Variants in PIK3R5 observed in about 807,000 individuals in gnomAD.
The protein encoded by PIK3R5 is phosphoinositide 3-kinase regulatory subunit 5.
A neutral mutation model predicts 94.9 loss-of-function variants in PIK3R5; 32 were observed. That is an observed-to-expected ratio of 0.34 (90% confidence interval 0.25 to 0.45). The LOEUF is 0.45. PIK3R5 is among the 20% of genes least tolerant of loss of function. PIK3R5 has a pLI of 1.00. For synonymous variants in PIK3R5, 443 were observed against 479.4 expected (o/e 0.92, Z 0.99); for missense variants, 853 against 1,144.6 (o/e 0.75, Z 3.68).
At position 8,955,259 on chromosome 17, in the gene PIK3R5, A is replaced by G. The variant is rs1344507392; in HGVS notation, c.-14+10337T>C. On this transcript the variant is annotated intron_variant, in intron 1 of 18. Transcript: ENST00000447110. The surrounding 1 kb of genome is among the most constrained non-coding windows in gnomAD (Gnocchi z 4.4). ...TCCATGCTGGCTGCTCGACCAGGCAATCACTCATTCAGCAAGCACTGATTG... is the reference window on the plus strand; with the variant it reads ...TCCATGCTGGCTGCTCGACCAGGCAGTCACTCATTCAGCAAGCACTGATTG... Among the ~76,000 whole-genome samples the G allele has an allele frequency of 6.6e-6, 1 of 152,214 alleles. No homozygotes were observed. The highest frequency in any genetic ancestry group is 1.5e-5 in the Non-Finnish European group (1 of 68,016).
In PIK3R5 at chr17:8,904,683, A is replaced by G; in HGVS notation, c.412+94T>C. On this transcript the variant is annotated intron_variant, in intron 5 of 18. Transcript: ENST00000447110. This position sits in a 1 kb window ranked among gnomAD's most constrained non-coding sequence, Gnocchi z 5.1. ...TGGCAGAGATGAATCAAAGGATGCA[A>G]GGTAAGGAGGGTCACAAAAAACAGT... 7.9e-7 allele frequency: 1 copy of G among 1,263,454 alleles called. No homozygotes were observed. Among genetic ancestry groups the G allele is most frequent in the Non-Finnish European group, 1.1e-6 (1 of 887,278 alleles). 78.3% of individuals were successfully genotyped at this position (1,263,454 alleles called of 1,614,324 possible).
intron 6 of PIK3R5, among the ~76,000 whole-genome samples, chr17:8,891,957 C>A (rs1025203535): frequency 6.6e-6 from 1 of 152,060 alleles, no homozygotes; most frequent in Admixed American, 6.6e-5. Flanking sequence ...GGCTCTGAGG[C>A]GCTGATCACT....
rs538327661 is a variant in PIK3R5, at chr17:8,941,919, C to A, written c.-14+23677G>T. Among the ~76,000 whole-genome samples the A allele has an allele frequency of 2.0e-5, 3 of 152,364 alleles. No homozygotes were observed. The South Asian group carries it at 6.2e-4, about 32-fold the overall frequency. ...AAGATCCCCCTATTTACTCAGAAGA[C>A]CCTTCGGGAGGATTTACATGTATGG... On this transcript the variant is annotated intron_variant, in intron 1 of 18. Transcript: ENST00000447110.
intron 1 of PIK3R5, among the ~76,000 whole-genome samples, chr17:8,923,503 A>G (rs1037844499): frequency 1.3e-5 from 2 of 152,202 alleles, no homozygotes; most frequent in African/African-American, 4.8e-5. Flanking sequence ...AGTATGCTGT[A>G]GGCAATTTAG....
At chr17:8,953,570 A>C (rs2091415764) in intron 1 of PIK3R5, among the ~76,000 whole-genome samples, 1 of 152,288 alleles carries the variant, frequency 6.6e-6, no homozygotes, top group South Asian at 2.1e-4. Context: ...TGGCCAGCTC[A>C]CATTTGGCAT....
intron 1 of PIK3R5, among the ~76,000 whole-genome samples, chr17:8,963,073 G>A (rs79332016): frequency 0.025 from 3,774 of 152,224 alleles, 48 homozygotes; most frequent in Middle Eastern, 0.068. Context: ...CTGCAGCCTC[G>A]AACTCCTGGC....
intron 1 of PIK3R5, among the ~76,000 whole-genome samples, chr17:8,913,792 A>G (rs2090577741): frequency 1.3e-5 from 2 of 152,240 alleles, no homozygotes; most frequent in South Asian, 2.1e-4. Context: ...CTGGATGCCC[A>G]AAGACATCCT....
chr17:8,913,482 G>A (rs145858587), intron 1 of PIK3R5, among the ~76,000 whole-genome samples: 1,780 of 152,306 alleles, frequency 0.012, 32 homozygotes, highest in African/African-American at 0.04. Context: ...CAAGGTGGGC[G>A]GATCACTTGA....
chr17:8,957,362 T>G (rs2151480216), intron 1 of PIK3R5, among the ~76,000 whole-genome samples: 1 of 152,330 alleles, frequency 6.6e-6, no homozygotes, highest in East Asian at 1.9e-4. Flanking sequence ...ATTTTCCTTC[T>G]GTCATCCCTT....
At position 8,889,067 on chromosome 17, in the gene PIK3R5, C is replaced by A; in HGVS notation, c.895+72G>T. On this transcript the variant is annotated intron_variant, in intron 9 of 18. Coordinates refer to ENST00000447110, the MANE Select transcript of PIK3R5 (RefSeq NM_001142633.3). The surrounding 1 kb of genome is among the most constrained non-coding windows in gnomAD (Gnocchi z 4.1). The stretch of plus-strand genomic sequence containing the variant: ...AGCTTTGGGGACGGGGTGGGAGCTG[C>A]ATGGACCCAGGACCAGAAACACAGC... The A allele has an allele frequency of 6.5e-7, 1 of 1,538,174 alleles. No individual in the cohort carries two copies. Among genetic ancestry groups the A allele is most frequent in the Non-Finnish European group, 8.9e-7 (1 of 1,129,918 alleles).
At position 8,893,396 on chromosome 17, in the gene PIK3R5, C is replaced by T. The variant is rs976399743; in HGVS notation, c.482+190G>A. On this transcript the variant is annotated intron_variant, in intron 6 of 18. Transcript: ENST00000447110. This position sits in a 1 kb window ranked among gnomAD's most constrained non-coding sequence, Gnocchi z 5.1. ...GAAAGACCGTCAGCCTAGAAAAACA[C>T]ACCTGGACACAAAATATCACCAGCA... is the stretch of plus-strand genomic sequence containing the variant. Among the ~76,000 whole-genome samples, 19 of 152,168 alleles carry T rather than the reference C, an allele frequency of 1.2e-4. No individual in the cohort carries two copies. The highest frequency in any genetic ancestry group is 4.6e-4 in the African/African-American group (19 of 41,430).
chr17:8,916,220 C>G (rs1011740478), intron 1 of PIK3R5: 7 of 152,328 alleles, frequency 4.6e-5, no homozygotes, highest in Non-Finnish European at 7.3e-5. Flanking sequence ...ACCGGGCTCA[C>G]CACCCACCCC....
chr17:8,951,272 C>T (rs1000220914), intron 1 of PIK3R5, among the ~76,000 whole-genome samples: 3 of 152,092 alleles, frequency 2.0e-5, no homozygotes, highest in African/African-American at 7.2e-5. Flanking sequence ...CAGTTTTGTG[C>T]GTACAGTTCT....
chr17:8,938,750 A>T (rs1051028903), intron 1 of PIK3R5, among the ~76,000 whole-genome samples: 20 of 152,228 alleles, frequency 1.3e-4, no homozygotes, highest in Admixed American at 9.2e-4. Context: ...CACTGTGTGG[A>T]CATACCAAGA....
intron 1 of PIK3R5, among the ~76,000 whole-genome samples, chr17:8,943,930 GT>G (rs141930161): frequency 0.031 from 4,693 of 151,016 alleles, 235 homozygotes; most frequent in African/African-American, 0.11. Flanking sequence ...TACATGTGCA[GT>G]TTTGTTATGG....
At position 8,889,023 on chromosome 17, in the gene PIK3R5, G is replaced by T. The variant is rs767375645; in HGVS notation, c.895+116C>A. ...TAGCACTGCCCCCTTGCTCTGCTTA[G>T]AGCCTGCTCATGTGGGAGAGCTTTG... On this transcript the variant is annotated intron_variant, in intron 9 of 18. Coordinates refer to ENST00000447110, the MANE Select transcript of PIK3R5 (RefSeq NM_001142633.3). The surrounding 1 kb of genome is among the most constrained non-coding windows in gnomAD (Gnocchi z 4.1). The T allele has an allele frequency of 6.6e-7, 1 of 1,515,612 alleles. No individual in the cohort carries two copies. The highest frequency in any genetic ancestry group is 1.3e-5 in the South Asian group (1 of 78,516). The allele number at this position is 1,515,612 out of a possible 1,614,324, so 93.9% of individuals were successfully genotyped here.
At chr17:8,957,683 A>G (rs888139501) in intron 1 of PIK3R5, among the ~76,000 whole-genome samples, 1 of 152,226 alleles carries the variant, frequency 6.6e-6, no homozygotes, top group Non-Finnish European at 1.5e-5. Context: ...CATGGGACCT[A>G]GTGGCTGAAC....
Position 8,925,308 on chromosome 17 carries a change from A to T in PIK3R5, c.-13-13801T>A, listed in dbSNP as rs1310853491. ...GTAGATGGATAGATAGATAGATAGT[A>T]GATGGATAGATAGTAGATGGATAGA... On this transcript the variant is annotated intron_variant, in intron 1 of 18. Transcript: ENST00000447110. This position sits in a 1 kb window ranked among gnomAD's most constrained non-coding sequence, Gnocchi z 5.1. 6.6e-6 allele frequency among the ~76,000 whole-genome samples: 1 copy of T among 151,908 alleles called. No individual in the cohort carries two copies. The highest frequency in any genetic ancestry group is 1.9e-4 in the East Asian group (1 of 5,192).
At chr17:8,908,998 A>G (rs1597394687) in intron 3 of PIK3R5, 76 bp downstream of exon 3, 1 of 897,338 alleles carries the variant, frequency 1.1e-6, no homozygotes, top group Admixed American at 2.1e-5. Context: ...CCCAGGAATG[A>G]TGTTCTCTGG....
Sources: gnomAD v4.1 joint callset for allele counts (sites outside exome capture counted in the v4.1 genomes callset) on GRCh38, gnomAD v4.1.1 for gene constraint, Gnocchi (gnomAD v3.1) non-coding constraint, MANE v1.5 for transcripts, NCBI Gene and HGNC (gene_info 2026-07-23, HGNC 2026-07-21) for gene names.